CDK17: variants seen among roughly 807,000 people sequenced by gnomAD.
CDK17 encodes the protein cyclin dependent kinase 17, also known as cyclin-dependent kinase 17.
A neutral mutation model predicts 77.6 loss-of-function variants in CDK17; 24 were observed. The observed-to-expected ratio is 0.31, with a 90% CI of 0.22 to 0.44. CDK17 has a LOEUF of 0.44. Ranked by LOEUF, CDK17 falls within the 20% of genes least tolerant of loss-of-function variation. CDK17 has a pLI of 1.00. For missense variants in CDK17, 429 were observed against 622.5 expected (o/e 0.69, Z 3.31); for synonymous variants, 203 against 210.4 (o/e 0.96, Z 0.30).
chr12:96,342,116 TGTCA>T (rs1478888607), intron 1 of CDK17, among the ~76,000 whole-genome samples: 1 of 152,248 alleles, frequency 6.6e-6, no homozygotes, highest in African/African-American at 2.4e-5. Context: ...ATGTTGCTTT[TGTCA>T]GTCTTTCTGA....
At chr12:96,285,929 C>T (rs1565803014) in intron 13 of CDK17, 114 bp downstream of exon 13, 5 of 547,564 alleles carry the variant, frequency 9.1e-6, no homozygotes, top group Admixed American at 5.3e-5. Flanking sequence ...TCCTAAAATA[C>T]GTAAGGGTTA....
intron 1 of CDK17, among the ~76,000 whole-genome samples, chr12:96,397,182 A>C (rs894672693): frequency 3.9e-5 from 6 of 152,206 alleles, no homozygotes; most frequent in Non-Finnish European, 5.9e-5. Context: ...TAATTGTAGG[A>C]CTGAACTGGT....
intron 2 of CDK17, among the ~76,000 whole-genome samples, chr12:96,332,105 A>C (rs7313502): frequency 0.87 from 131,998 of 152,218 alleles, 57,200 homozygotes; most frequent in African/African-American, 0.87. Context: ...TACACAAACA[A>C]CATTGTGTTA....
intron 1 of CDK17, among the ~76,000 whole-genome samples, chr12:96,342,603 A>G (rs1303200599): frequency 1.3e-5 from 2 of 152,166 alleles, no homozygotes; most frequent in Non-Finnish European, 2.9e-5. Flanking sequence ...GTGATTGTAC[A>G]AAACACTGAC....
intron 2 of CDK17, 67 bp downstream of exon 2, chr12:96,334,652 T>C: frequency 1.2e-6 from 1 of 839,990 alleles, no homozygotes; most frequent in East Asian, 2.5e-5. Context: ...ATCTAAAAAG[T>C]AAATTTACAT....
chr12:96,324,144 T>A, intron 2 of CDK17, 32 bp from the exon 3 acceptor site: 1 of 1,563,378 alleles, frequency 6.4e-7, no homozygotes, highest in Non-Finnish European at 8.7e-7. Flanking sequence ...AATCATTCCA[T>A]CATCAGTCCA....
At chr12:96,358,264 A>G (rs1953432617) in intron 1 of CDK17, among the ~76,000 whole-genome samples, 1 of 151,236 alleles carries the variant, frequency 6.6e-6, no homozygotes, top group African/African-American at 2.4e-5. Flanking sequence ...GGGTTAACAG[A>G]TATTAATTAT....
At chr12:96,344,127 G>A (rs1311230573) in intron 1 of CDK17, among the ~76,000 whole-genome samples, 7 of 151,992 alleles carry the variant, frequency 4.6e-5, no homozygotes, top group African/African-American at 1.7e-4. Flanking sequence ...TTGAAGACAA[G>A]GCAATTAAAA....
chr12:96,384,628 A>C lies in CDK17; in HGVS notation c.-30+15358T>G, dbSNP rs1230313943. Among the ~76,000 whole-genome samples the C allele has an allele frequency of 3.3e-5, 5 of 152,302 alleles. 1 individual carries two copies. In the East Asian group the frequency reaches 9.6e-4, roughly 29 times the overall value. ...TGCAGCAACATGGATGCAGCTGGAG[A>C]CCATTATCCTCAGTGAATTACTGCA... On this transcript the variant is annotated intron_variant, in intron 1 of 16. Coordinates refer to ENST00000261211, the MANE Select transcript of CDK17 (RefSeq NM_002595.5).
chr12:96,323,782 C>T (rs542697184), intron 3 of CDK17, among the ~76,000 whole-genome samples, 166 bp downstream of exon 3: 69 of 152,354 alleles, frequency 4.5e-4, no homozygotes, highest in Non-Finnish European at 6.9e-4. Context: ...ATTGTCAGCA[C>T]TACTACCTCT....
chr12:96,350,261 G>T (rs1261325622), intron 1 of CDK17, among the ~76,000 whole-genome samples: 1 of 151,312 alleles, frequency 6.6e-6, no homozygotes, highest in East Asian at 1.9e-4. Flanking sequence ...AAAGAACATG[G>T]TCTAAAATTT....
chr12:96,298,155 C>T (rs563053938), intron 7 of CDK17, among the ~76,000 whole-genome samples: 7 of 152,052 alleles, frequency 4.6e-5, no homozygotes, highest in East Asian at 3.9e-4. Flanking sequence ...GGCGTGATGG[C>T]GGACGCCTGT....
At chr12:96,321,821 AG>A (rs1378119598) in intron 3 of CDK17, among the ~76,000 whole-genome samples, 1 of 100,838 alleles carries the variant, frequency 9.9e-6, no homozygotes. Flanking sequence ...GGGTGGGGGG[AG>A]GGGGGAGGGA....
At chr12:96,304,882 A>G (rs756766342) in intron 5 of CDK17, among the ~76,000 whole-genome samples, 3 of 152,252 alleles carry the variant, frequency 2.0e-5, no homozygotes, top group Non-Finnish European at 2.9e-5. Context: ...TGCTCTGAGA[A>G]TTAAGAAAGG....
intron 6 of CDK17, 50 bp downstream of exon 6, chr12:96,300,254 A>G: frequency 8.1e-7 from 1 of 1,239,476 alleles, no homozygotes; most frequent in Non-Finnish European, 1.2e-6. Context: ...CAGAGTTTGA[A>G]TGACGAATAA....
chr12:96,343,558 A>G (rs1037960144), intron 1 of CDK17, among the ~76,000 whole-genome samples: 28 of 152,352 alleles, frequency 1.8e-4, no homozygotes, highest in African/African-American at 6.7e-4. Flanking sequence ...GGAAGATCTA[A>G]TAAGACAGCA....
At chr12:96,280,728 C>G in intron 16 of CDK17, 80 bp downstream of exon 16, 1 of 1,570,762 alleles carries the variant, frequency 6.4e-7, no homozygotes, top group Non-Finnish European at 8.6e-7. Flanking sequence ...AATAATTTTA[C>G]TGATCAATTT....
Position 96,317,265 on chromosome 12 carries a change from A to G in CDK17, c.284-3811T>C, listed in dbSNP as rs557481875. Among the ~76,000 whole-genome samples the G allele has an allele frequency of 2.7e-5, 4 of 146,492 alleles. No homozygotes were observed. In the Admixed American group the frequency reaches 2.8e-4, roughly 10 times the overall value. On this transcript the variant is annotated intron_variant, in intron 3 of 16. Coordinates refer to ENST00000261211, the MANE Select transcript of CDK17 (RefSeq NM_002595.5). ...TTTAGAGAAAAAAGAATAAAAAGAA[A>G]TGAGCAAAGCCTCCAAGAAATATGG...
At chr12:96,371,936 T>C (rs1375454300) in intron 1 of CDK17, among the ~76,000 whole-genome samples, 2 of 152,098 alleles carry the variant, frequency 1.3e-5, no homozygotes, top group Non-Finnish European at 2.9e-5. Context: ...TGGCACAAGG[T>C]AAATATGAAT....
Sources: allele counts gnomAD v4.1 joint callset (sites outside exome capture counted in the v4.1 genomes callset), GRCh38; gene constraint gnomAD v4.1.1; transcripts MANE v1.5; gene names NCBI Gene and HGNC (gene_info 2026-07-23, HGNC 2026-07-21).